Variants in ANKH observed in about 807,000 individuals in gnomAD.
The protein encoded by ANKH is ANKH inorganic pyrophosphate transport regulator, also known as mineralization regulator ANKH.
ANKH carries 15 observed loss-of-function variants against 49.0 expected under a neutral mutation model. That is an observed-to-expected ratio of 0.31 (90% confidence interval 0.20 to 0.47). The LOEUF (loss-of-function observed/expected upper bound fraction) is 0.47. Among genes scored for constraint, ANKH ranks in the 20% least tolerant of loss-of-function variants. ANKH has a pLI of 1.00. For missense variants in ANKH, 429 were observed against 652.0 expected, an observed-to-expected ratio of 0.66 and a Z score of 3.72; for synonymous variants, 273 against 260.0, an observed-to-expected ratio of 1.05 and a Z score of -0.48.
At chr5:14,838,131 G>A (rs1561077998) in intron 1 of ANKH, among the ~76,000 whole-genome samples, 2 of 152,074 alleles carry the variant, frequency 1.3e-5, no homozygotes, top group African/African-American at 2.4e-5. Context: ...GGGAAGGGCG[G>A]AGGGATAGCA....
At chr5:14,783,413 T>C (rs764645383) in intron 1 of ANKH, among the ~76,000 whole-genome samples, 1 of 152,176 alleles carries the variant, frequency 6.6e-6, no homozygotes, top group Admixed American at 6.5e-5. Context: ...CAGCATTTGC[T>C]TTGCTGTGTG....
chr5:14,767,244 T>C (rs1739285628), intron 2 of ANKH, among the ~76,000 whole-genome samples: 2 of 152,150 alleles, frequency 1.3e-5, no homozygotes, highest in Non-Finnish European at 2.9e-5. Flanking sequence ...ATGCCCGACG[T>C]AGCAGATGGC....
chr5:14,856,022 A>G (rs1735235738), intron 1 of ANKH, among the ~76,000 whole-genome samples: 1 of 151,822 alleles, frequency 6.6e-6, no homozygotes, highest in Admixed American at 6.6e-5. Flanking sequence ...TAGTCAAGAA[A>G]GCATAAAAAC....
At chr5:14,769,626 T>C (rs1028748027) in intron 1 of ANKH, among the ~76,000 whole-genome samples, 4 of 36,100 alleles carry the variant, frequency 1.1e-4, no homozygotes, top group African/African-American at 3.6e-4. Flanking sequence ...GAAGGGGTGG[T>C]GTGTGTGTGT....
In ANKH at chr5:14,713,004, T is replaced by G; in HGVS notation, c.1266-31A>C. ...GATGAGAACACAAAGGCAATTTGTC[T>G]GTTAAGGCCAAGTCAAGGCACAACC... On this transcript the variant is annotated intron_variant, in intron 10 of 11. Coordinates refer to ENST00000284268, the MANE Select transcript of ANKH (RefSeq NM_054027.6). The surrounding 1 kb of genome is among the most constrained non-coding windows in gnomAD (Gnocchi z 4.4). 1 of 1,595,936 alleles carries G rather than the reference T, an allele frequency of 6.3e-7. No individual in the cohort carries two copies.
chr5:14,851,825 G>C (rs1742130336), intron 1 of ANKH, among the ~76,000 whole-genome samples: 1 of 152,218 alleles, frequency 6.6e-6, no homozygotes, highest in Admixed American at 6.5e-5. Context: ...CTTCCTAGCA[G>C]CTTATGGGTC....
chr5:14,823,985 TA>T (rs1741269083), intron 1 of ANKH, among the ~76,000 whole-genome samples: 1 of 152,020 alleles, frequency 6.6e-6, no homozygotes, highest in Non-Finnish European at 1.5e-5. Context: ...GCTGCCCAGA[TA>T]AACAGGCAGC....
chr5:14,790,928 C>T (rs1740145292), intron 1 of ANKH, among the ~76,000 whole-genome samples: 1 of 152,118 alleles, frequency 6.6e-6, no homozygotes, highest in African/African-American at 2.4e-5. Flanking sequence ...ACTCTTTTCA[C>T]GCACCCTCCT....
intron 1 of ANKH, among the ~76,000 whole-genome samples, chr5:14,834,084 C>T (rs577923642): frequency 6.6e-6 from 1 of 152,226 alleles, no homozygotes; most frequent in African/African-American, 2.4e-5. Flanking sequence ...CAGGGGCAGA[C>T]TTCAGTTATT....
chr5:14,793,058 AAAATATATAT>A (rs201509562), intron 1 of ANKH, among the ~76,000 whole-genome samples: 2,443 of 85,114 alleles, frequency 0.029, 54 homozygotes, highest in Non-Finnish European at 0.038. Context: ...AAATATATAT[AAAATATATAT>A]AAATATATAA....
At chr5:14,718,356 G>T (rs925134520) in intron 8 of ANKH, among the ~76,000 whole-genome samples, 1 of 152,026 alleles carries the variant, frequency 6.6e-6, no homozygotes, top group African/African-American at 2.4e-5. Flanking sequence ...GGCCTCCAAT[G>T]TGAGGAGGTC....
intron 8 of ANKH, among the ~76,000 whole-genome samples, chr5:14,723,244 C>T (rs1737723787): frequency 6.6e-6 from 1 of 151,918 alleles, no homozygotes; most frequent in African/African-American, 2.4e-5. Context: ...GGGCTGGCTC[C>T]TCGGTTGTAA....
intron 9 of ANKH, among the ~76,000 whole-genome samples, chr5:14,715,731 T>C (rs1737425857): frequency 6.7e-6 from 1 of 149,292 alleles, no homozygotes; most frequent in Admixed American, 6.6e-5. Flanking sequence ...GTGCTACATA[T>C]TTGCTATGGA....
chr5:14,785,228 T>C (rs1739936511), intron 1 of ANKH, among the ~76,000 whole-genome samples: 1 of 152,156 alleles, frequency 6.6e-6, no homozygotes, highest in Non-Finnish European at 1.5e-5. Flanking sequence ...CCAGGTGATA[T>C]GGTTTGGATG....
rs188811300 is a variant in ANKH, at chr5:14,758,703, G to A, written c.314-105C>T. The A allele has an allele frequency of 2.6e-4, 236 of 920,938 alleles. 1 individual carries two copies. The Admixed American group carries it at 3.4e-3, about 13-fold the overall frequency. The allele number at this position is 920,938 out of a possible 1,614,324, so 57.0% of individuals were successfully genotyped here. On this transcript the variant is annotated intron_variant, in intron 2 of 11. Coordinates refer to ENST00000284268, the MANE Select transcript of ANKH (RefSeq NM_054027.6). Reference sequence around the variant, plus strand: ...ACAATTTTAAATGTAGTATTTGTTCGTCATAGAAAAATTAGATAAGCAAAT... The same window carrying A: ...ACAATTTTAAATGTAGTATTTGTTCATCATAGAAAAATTAGATAAGCAAAT...
chr5:14,785,636 A>G (rs1739950145), intron 1 of ANKH, among the ~76,000 whole-genome samples: 1 of 152,252 alleles, frequency 6.6e-6, no homozygotes, highest in Admixed American at 6.5e-5. Context: ...CTAATACGCC[A>G]GTTTAAACTG....
intron 1 of ANKH, among the ~76,000 whole-genome samples, chr5:14,787,669 C>T (rs145904275): frequency 1.3e-5 from 2 of 152,224 alleles, no homozygotes; most frequent in African/African-American, 4.8e-5. Flanking sequence ...AAATGAAATG[C>T]CTAATTTTCT....
In ANKH at chr5:14,713,049, AAAGT is replaced by A; in HGVS notation, c.1266-80_1266-77del. On this transcript the variant is annotated intron_variant, in intron 10 of 11. Coordinates refer to ENST00000284268, the MANE Select transcript of ANKH (RefSeq NM_054027.6). This position sits in a 1 kb window ranked among gnomAD's most constrained non-coding sequence, Gnocchi z 4.4. ...ACAACCGTCGATGCCAAAACCCAGG[AAAGT>A]AAGTGTAGCCTCGAGACGGCTGAGA... The A allele has an allele frequency of 7.1e-7, 1 of 1,411,736 alleles. No homozygotes were observed. Among genetic ancestry groups the A allele is most frequent in the Non-Finnish European group, 9.8e-7 (1 of 1,017,604 alleles). 87.5% of individuals were successfully genotyped at this position (1,411,736 alleles called of 1,614,324 possible).
At chr5:14,814,545 G>A (rs10054572) in intron 1 of ANKH, among the ~76,000 whole-genome samples, 19,200 of 152,264 alleles carry the variant, frequency 0.13, 1,616 homozygotes, top group East Asian at 0.44. Flanking sequence ...GGTTGAGGCT[G>A]CAGTGAGCCA....
Sources: allele counts gnomAD v4.1 joint callset (sites outside exome capture counted in the v4.1 genomes callset), GRCh38; gene constraint gnomAD v4.1.1; non-coding constraint Gnocchi (gnomAD v3.1); transcripts MANE v1.5; gene names NCBI Gene and HGNC (gene_info 2026-07-23, HGNC 2026-07-21).